MYO18A: variants seen among roughly 807,000 people sequenced by gnomAD.
The protein encoded by MYO18A is unconventional myosin-XVIIIa.
MYO18A carries 78 observed loss-of-function variants against 235.8 expected under a neutral mutation model. The ratio of observed to expected loss-of-function variants is 0.33; its 90% CI spans 0.28 to 0.40. MYO18A has a LOEUF of 0.40. Ranked by LOEUF, MYO18A falls within the 10% of genes least tolerant of loss-of-function variation. The probability of loss-of-function intolerance (pLI) is 1.00; values close to 1 mark genes in which losing one functional copy is unlikely to be tolerated. For missense variants in MYO18A, 2,215 were observed against 2,699.3 expected (o/e 0.82, Z 3.98); for synonymous variants, 977 against 1,077.8 (o/e 0.91, Z 1.83).
chr17:29,073,506 GA>G lies in MYO18A; in HGVS notation c.*1263del. The G allele has an allele frequency of 5.1e-6, 1 of 194,412 alleles. No individual in the cohort carries two copies. 12.0% of individuals were successfully genotyped at this position (194,412 alleles called of 1,614,324 possible). On this transcript the variant is annotated 3_prime_UTR_variant, in exon 42 of 42. Transcript: ENST00000527372. The stretch of plus-strand genomic sequence containing the variant: ...TGCCTGAGCCTGAAGGAACAGGCAG[GA>G]AAACTGGCGCAGCCAGGAGGAAAAG...
At chr17:29,175,028 C>A (rs1212745314) in intron 1 of MYO18A, among the ~76,000 whole-genome samples, 1 of 152,100 alleles carries the variant, frequency 6.6e-6, no homozygotes, top group Non-Finnish European at 1.5e-5. Context: ...ACAATATTTG[C>A]ATATGTGTAG....
intron 1 of MYO18A, among the ~76,000 whole-genome samples, chr17:29,177,045 G>A (rs2068550010): frequency 6.6e-6 from 1 of 152,202 alleles, no homozygotes; most frequent in Non-Finnish European, 1.5e-5. Flanking sequence ...GCTCAGTTCC[G>A]CTAACATCCC....
rs182922938 is a variant in MYO18A, at chr17:29,096,339, T to C, written c.4385+422A>G. Among the ~76,000 whole-genome samples, 352 of 152,342 alleles carry C rather than the reference T, an allele frequency of 2.3e-3. 2 individuals are homozygous for C. The highest frequency in any genetic ancestry group is 8.2e-3 in the African/African-American group (341 of 41,578). On this transcript the variant is annotated intron_variant, in intron 28 of 41. Coordinates refer to ENST00000527372, the MANE Select transcript of MYO18A (RefSeq NM_078471.4). ...AGGGCCACCCCCCTCCTTTGTATCA[T>C]TACCATAATGAGATGGAAGTGGCAC...
At chr17:29,089,308 CT>C (rs1181216612) in intron 37 of MYO18A, among the ~76,000 whole-genome samples, 1 of 148,504 alleles carries the variant, frequency 6.7e-6, no homozygotes, top group Non-Finnish European at 1.5e-5. Flanking sequence ...GTAGTCCCAT[CT>C]ACTCGGGAGG....
At chr17:29,171,831 T>C (rs2068410836) in intron 1 of MYO18A, among the ~76,000 whole-genome samples, 1 of 150,388 alleles carries the variant, frequency 6.6e-6, no homozygotes, top group African/African-American at 2.5e-5. Context: ...AGGTCGAGGC[T>C]ACATTGAGCC....
At chr17:29,083,558 A>ACACACACG (rs1568038715) in intron 40 of MYO18A, among the ~76,000 whole-genome samples, 2 of 151,588 alleles carry the variant, frequency 1.3e-5, no homozygotes, top group Non-Finnish European at 2.9e-5. Context: ...ACACACACAC[A>ACACACACG]CGAAACCAGC....
At chr17:29,082,550 C>G in intron 40 of MYO18A, 112 bp from the exon 41 acceptor site, 1 of 1,119,680 alleles carries the variant, frequency 8.9e-7, no homozygotes, top group East Asian at 2.6e-5. Flanking sequence ...GGGCAGCATG[C>G]ACGTCGGTGA....
Position 29,115,368 on chromosome 17 carries a change from G to C in MYO18A, c.2301C>G (p.Leu767=), listed in dbSNP as rs531275820. ...GCACTCACCTATTCACCAGGGAGAC[G>C]AGAAGGGTGAAGAGCTCGCTGTAGA... is the stretch of plus-strand genomic sequence containing the variant. The part of the protein sequence containing the change: ...AGLYSELFTL[L]VSLVNRALKS... The change falls in exon 13 of 42, where the codon CTC becomes CTG. Residue 767 remains leucine, a synonymous_variant. Coordinates refer to ENST00000527372, the MANE Select transcript of MYO18A (RefSeq NM_078471.4). 2 of 1,613,878 alleles carry C rather than the reference G, an allele frequency of 1.2e-6. No homozygotes were observed. The highest frequency in any genetic ancestry group is 1.3e-5 in the African/African-American group (1 of 74,956).
chr17:29,176,435 C>A (rs1351389949), intron 1 of MYO18A: 3 of 152,146 alleles, frequency 2.0e-5, no homozygotes, highest in African/African-American at 7.2e-5. Context: ...AGTCCCAAGA[C>A]AAGGGTGCCC....
intron 20 of MYO18A, among the ~76,000 whole-genome samples, chr17:29,104,966 G>T (rs1289956576): frequency 1.3e-5 from 2 of 151,952 alleles, no homozygotes; most frequent in Non-Finnish European, 2.9e-5. Context: ...GGATCATGAG[G>T]TCAGGAGATC....
Position 29,073,552 on chromosome 17 carries a change from C to T in MYO18A, c.*1218G>A, listed in dbSNP as rs998349403. The T allele has an allele frequency of 2.8e-5, 8 of 286,966 alleles. No individual in the cohort carries two copies. Among genetic ancestry groups the T allele is most frequent in the Admixed American group, 1.0e-4 (2 of 19,986 alleles). 17.8% of individuals were successfully genotyped at this position (286,966 alleles called of 1,614,324 possible). On this transcript the variant is annotated 3_prime_UTR_variant, in exon 42 of 42. Coordinates refer to ENST00000527372, the MANE Select transcript of MYO18A (RefSeq NM_078471.4). The stretch of plus-strand genomic sequence containing the variant: ...GAAAAGGGCCTTTATTTCCATACAT[C>T]GGGTAAACAGGGGAGAGCACAGCCC...
At chr17:29,162,344 G>A (rs79701527) in intron 2 of MYO18A, among the ~76,000 whole-genome samples, 2,903 of 152,262 alleles carry the variant, frequency 0.019, 89 homozygotes, top group African/African-American at 0.066. Flanking sequence ...CCTGGCTCCC[G>A]TGGATGCCTC....
At chr17:29,141,575 C>T (rs892899363) in intron 2 of MYO18A, among the ~76,000 whole-genome samples, 33 of 152,206 alleles carry the variant, frequency 2.2e-4, no homozygotes, top group African/African-American at 7.0e-4. Flanking sequence ...GTCTGACTTT[C>T]TCCATGAAAA....
chr17:29,127,910 T>TGCTCTCCAG, intron 2 of MYO18A: 2 of 994,350 alleles, frequency 2.0e-6, no homozygotes, highest in Non-Finnish European at 2.4e-6. Context: ...GAGGTCTGAC[T>TGCTCTCCAG]TCGGGCCGGT....
Position 29,088,334 on chromosome 17 carries a change from A to G in MYO18A, c.5527-1213T>C, listed in dbSNP as rs527374378. On this transcript the variant is annotated intron_variant, in intron 37 of 41. Transcript: ENST00000527372. ...CTCCAAAAGTGCTGGGATTACAGGC[A>G]TGAGCCACCGCGCCCAGCCGAAAAT... is the stretch of plus-strand genomic sequence containing the variant. Among the ~76,000 whole-genome samples the G allele has an allele frequency of 2.8e-3, 418 of 151,788 alleles. 1 individual carries two copies. The highest frequency in any genetic ancestry group is 7.8e-3 in the African/African-American group (323 of 41,298).
intron 1 of MYO18A, among the ~76,000 whole-genome samples, chr17:29,168,164 C>T (rs574745027): frequency 6.8e-6 from 1 of 147,506 alleles, no homozygotes; most frequent in Non-Finnish European, 1.5e-5. Flanking sequence ...AGAGGATAGA[C>T]AGCTGCGAGG....
chr17:29,106,354 G>T lies in MYO18A; in HGVS notation c.3441+726C>A, dbSNP rs2066784453. Among the ~76,000 whole-genome samples the T allele has an allele frequency of 6.6e-6, 1 of 152,228 alleles. No homozygotes were observed. The highest frequency in any genetic ancestry group is 1.5e-5 in the Non-Finnish European group (1 of 68,040). On this transcript the variant is annotated intron_variant, in intron 20 of 41. Transcript: ENST00000527372. The surrounding 1 kb of genome is among the most constrained non-coding windows in gnomAD (Gnocchi z 4.6). The stretch of plus-strand genomic sequence containing the variant: ...TCCATGAATTCAGGTCTTTAAGGCA[G>T]GGGTGGAGGGGCAGGGGGGCACACA...
intron 2 of MYO18A, among the ~76,000 whole-genome samples, chr17:29,132,214 G>C (rs1399579583): frequency 2.0e-5 from 3 of 152,218 alleles, no homozygotes; most frequent in African/African-American, 7.2e-5. Flanking sequence ...GGGAGGAGTG[G>C]AGTCGTGGAA....
chr17:29,092,372 T>A lies in MYO18A; in HGVS notation c.5158A>T (p.Ile1720Phe), dbSNP rs1292342012. 1 of 1,611,876 alleles carries A rather than the reference T, an allele frequency of 6.2e-7. No homozygotes were observed. Among genetic ancestry groups the A allele is most frequent in the South Asian group, 1.1e-5 (1 of 91,048 alleles). ...GTCTTGGCTTTGGCGATGTCATCAA[T>A]CTGCAGGTGCAGGTCTTCGATCTCC... ...EVEIEDLHLQIDDIAKAKTAL... is the reference protein window; with the variant it reads ...EVEIEDLHLQFDDIAKAKTAL... The change falls in exon 34 of 42, where the codon ATT becomes TTT. Residue 1720 changes from isoleucine to phenylalanine, a missense_variant. Ile to Phe is a conservative substitution (Grantham distance 21). Transcript: ENST00000527372.
Sources: allele counts gnomAD v4.1 joint callset (sites outside exome capture counted in the v4.1 genomes callset), GRCh38; gene constraint gnomAD v4.1.1; non-coding constraint Gnocchi (gnomAD v3.1); transcripts MANE v1.5; gene names NCBI Gene and HGNC (gene_info 2026-07-23, HGNC 2026-07-21).